Variants in COG5 observed in about 807,000 individuals in gnomAD.
COG5 encodes the protein conserved oligomeric Golgi complex subunit 5.
COG5 carries 86 observed loss-of-function variants against 110.4 expected under a neutral mutation model. That is an observed-to-expected ratio of 0.78 (90% CI 0.65 to 0.93). The LOEUF (loss-of-function observed/expected upper bound fraction) is 0.93, where lower values mean the gene tolerates loss of function less well. Ranked by LOEUF, COG5 falls within the 40% of genes least tolerant of loss-of-function variation. The pLI, the probability that COG5 is intolerant of heterozygous loss-of-function variation, is 0.00. For missense variants in COG5, 1,077 were observed against 987.0 expected (o/e 1.09, Z -1.22); for synonymous variants, 360 against 334.6 (o/e 1.08, Z -0.83).
At chr7:107,293,915 T>C (rs1287348462) in intron 12 of COG5, among the ~76,000 whole-genome samples, 2 of 151,710 alleles carry the variant, frequency 1.3e-5, no homozygotes, top group African/African-American at 4.8e-5. Flanking sequence ...CTACTAAAAA[T>C]ACAAAAATTA....
intron 10 of COG5, among the ~76,000 whole-genome samples, chr7:107,341,151 AG>A (rs1467859829): frequency 1.3e-5 from 2 of 152,166 alleles, no homozygotes; most frequent in African/African-American, 4.8e-5. Flanking sequence ...CATAAGGTCC[AG>A]GAACTGACAA....
At chr7:107,326,769 T>C (rs1809803151) in intron 10 of COG5, among the ~76,000 whole-genome samples, 1 of 151,964 alleles carries the variant, frequency 6.6e-6, no homozygotes, top group Admixed American at 6.6e-5. Context: ...TTTGCAGAAA[T>C]AAAAAAATAC....
intron 14 of COG5, among the ~76,000 whole-genome samples, chr7:107,262,676 T>A (rs556875717): frequency 6.6e-6 from 1 of 152,206 alleles, no homozygotes; most frequent in South Asian, 2.1e-4. Context: ...TAGGAGATTG[T>A]TCCTCACCTT....
intron 10 of COG5, among the ~76,000 whole-genome samples, chr7:107,333,717 T>C (rs1251906450): frequency 1.3e-5 from 2 of 152,076 alleles, no homozygotes; most frequent in East Asian, 3.8e-4. Context: ...GATGTTTCTA[T>C]TATTCTTTTA....
chr7:107,416,499 A>G (rs534324462), intron 6 of COG5, among the ~76,000 whole-genome samples: 43 of 152,176 alleles, frequency 2.8e-4, no homozygotes, highest in Non-Finnish European at 4.7e-4. Flanking sequence ...AAATTAGCAG[A>G]GATAGCAGAT....
At chr7:107,476,386 C>T (rs188273403) in intron 6 of COG5, among the ~76,000 whole-genome samples, 50 of 151,314 alleles carry the variant, frequency 3.3e-4, no homozygotes, top group Non-Finnish European at 6.2e-4. Context: ...GGGTAATACA[C>T]TTTATACAAT....
intron 21 of COG5, 30 bp from the exon 22 acceptor site, chr7:107,203,660 A>G (rs754773616): frequency 5.2e-6 from 7 of 1,351,318 alleles, no homozygotes; most frequent in Admixed American, 3.4e-5. Flanking sequence ...CAATGTCAAA[A>G]TATTAGATAA....
At chr7:107,488,858 A>G (rs962279719) in intron 6 of COG5, among the ~76,000 whole-genome samples, 12 of 151,932 alleles carry the variant, frequency 7.9e-5, no homozygotes, top group African/African-American at 2.9e-4. Context: ...AAATATTAAT[A>G]AAAAATTAAA....
intron 6 of COG5, among the ~76,000 whole-genome samples, chr7:107,425,520 A>C (rs1275461248): frequency 6.6e-6 from 1 of 151,618 alleles, no homozygotes; most frequent in African/African-American, 2.4e-5. Context: ...AAAAAAAAAC[A>C]CAAGAAATAT....
At chr7:107,417,282 C>T (rs912268036) in intron 6 of COG5, among the ~76,000 whole-genome samples, 7 of 152,064 alleles carry the variant, frequency 4.6e-5, no homozygotes, top group African/African-American at 1.7e-4. Context: ...CTTTTTAAAT[C>T]TATCCTTTTA....
rs535392245 is a variant in COG5, at chr7:107,489,515, C to T, written c.538+37722G>A. 1.3e-3 allele frequency among the ~76,000 whole-genome samples: 200 copies of T among 152,146 alleles called. 1 individual carries two copies. The highest frequency in any genetic ancestry group is 2.0e-3 in the Admixed American group (30 of 15,264). On this transcript the variant is annotated intron_variant, in intron 6 of 21. Coordinates refer to ENST00000297135, the MANE Select transcript of COG5 (RefSeq NM_006348.5). Reference sequence around the variant, plus strand: ...ACTTTTGTCTTACAGAAGTCTGATCCCCATTACCACCTCTACCAGAGTACA... The same window carrying T: ...ACTTTTGTCTTACAGAAGTCTGATCTCCATTACCACCTCTACCAGAGTACA...
At chr7:107,501,450 C>A (rs1798627676) in intron 6 of COG5, among the ~76,000 whole-genome samples, 2 of 151,900 alleles carry the variant, frequency 1.3e-5, no homozygotes, top group African/African-American at 2.4e-5. Flanking sequence ...TATTAAACAA[C>A]CATATGAAAC....
chr7:107,304,957 T>C (rs1017146873), intron 11 of COG5, among the ~76,000 whole-genome samples: 3 of 152,210 alleles, frequency 2.0e-5, no homozygotes, highest in Admixed American at 6.5e-5. Context: ...CCTTTCCATA[T>C]AGAGATTATA....
intron 6 of COG5, among the ~76,000 whole-genome samples, chr7:107,459,252 A>T (rs1212058682): frequency 1.3e-5 from 2 of 152,188 alleles, no homozygotes; most frequent in Non-Finnish European, 2.9e-5. Flanking sequence ...AGGTTAAAAA[A>T]TAGTCTATAT....
At chr7:107,390,656 T>G (rs559422245) in intron 7 of COG5, among the ~76,000 whole-genome samples, 1 of 151,324 alleles carries the variant, frequency 6.6e-6, no homozygotes, top group African/African-American at 2.4e-5. Context: ...TGGAAGGGTA[T>G]GCAAGATCAT....
intron 10 of COG5, among the ~76,000 whole-genome samples, chr7:107,358,409 T>C (rs1812814163): frequency 6.6e-6 from 1 of 152,116 alleles, no homozygotes; most frequent in South Asian, 2.1e-4. Context: ...AAAACATGAG[T>C]GACTATACAC....
chr7:107,474,956 A>C lies in COG5; in HGVS notation c.538+52281T>G. On this transcript the variant is annotated intron_variant, in intron 6 of 21. Coordinates refer to ENST00000297135, the MANE Select transcript of COG5 (RefSeq NM_006348.5). The surrounding 1 kb of genome is among the most constrained non-coding windows in gnomAD (Gnocchi z 5.7). Reference sequence around the variant, plus strand: ...ATAATTGCCCTCCGGCGAGCTGTGAAACGACACCGTGAACGACGAGAAAGA... The same window carrying C: ...ATAATTGCCCTCCGGCGAGCTGTGACACGACACCGTGAACGACGAGAAAGA... 1 of 1,612,550 alleles carries C rather than the reference A, an allele frequency of 6.2e-7. No individual in the cohort carries two copies. The highest frequency in any genetic ancestry group is 8.5e-7 in the Non-Finnish European group (1 of 1,179,286).
intron 1 of COG5, among the ~76,000 whole-genome samples, chr7:107,561,715 G>A (rs1471157160): frequency 6.6e-6 from 1 of 152,208 alleles, no homozygotes; most frequent in Admixed American, 6.5e-5. Flanking sequence ...GGTGGCTCAC[G>A]CCTGTAATCC....
chr7:107,258,557 T>C (rs923452021), intron 14 of COG5, 174 bp from the exon 15 acceptor site: 43 of 625,556 alleles, frequency 6.9e-5, no homozygotes, highest in Admixed American at 7.6e-5. Flanking sequence ...AACTTAAAGC[T>C]TTGGACTTGA....
Sources: allele counts gnomAD v4.1 joint callset (sites outside exome capture counted in the v4.1 genomes callset), GRCh38; gene constraint gnomAD v4.1.1; non-coding constraint Gnocchi (gnomAD v3.1); transcripts MANE v1.5; gene names NCBI Gene and HGNC (gene_info 2026-07-23, HGNC 2026-07-21).